The following DYNAP variants were observed in gnomAD, a reference collection of about 807,000 sequenced individuals.
The protein encoded by DYNAP is dynactin associated protein.
DYNAP carries 7 observed loss-of-function variants against 8.5 expected under a neutral mutation model. The ratio of observed to expected loss-of-function variants is 0.82; its 90% CI spans 0.47 to 1.54. The LOEUF (loss-of-function observed/expected upper bound fraction) is 1.54, where lower values mean the gene tolerates loss of function less well. DYNAP is among the 40% of genes most tolerant of loss of function. The pLI, the probability that DYNAP is intolerant of heterozygous loss-of-function variation, is 0.01. For synonymous variants in DYNAP, 77 were observed against 77.9 expected, an observed-to-expected ratio of 0.99 and a Z score of 0.06; for missense variants, 256 against 224.3, an observed-to-expected ratio of 1.14 and a Z score of -0.90.
upstream of DYNAP, among the ~76,000 whole-genome samples, chr18:54,583,476 G>A (rs554782630): frequency 1.3e-5 from 2 of 152,244 alleles, no homozygotes; most frequent in Admixed American, 6.5e-5. Context: ...TTAGCCCTTG[G>A]TGTAACAGGA....
upstream of DYNAP, among the ~76,000 whole-genome samples, chr18:54,590,317 T>C (rs1418465607): frequency 6.6e-6 from 1 of 152,216 alleles, no homozygotes; most frequent in Non-Finnish European, 1.5e-5. Flanking sequence ...TCAAGGTTCA[T>C]CTGTGTTGTA....
At position 54,595,015 on chromosome 18, in the gene DYNAP, A is replaced by G. The variant is rs770177766; in HGVS notation, c.134A>G (p.Asp45Gly). 16 of 1,612,776 alleles carry G rather than the reference A, an allele frequency of 9.9e-6. No homozygotes were observed. The East Asian group carries it at 3.6e-4, about 36-fold the overall frequency. ...CTACCTTCAAATGATATAACCAGTG[A>G]TGTCTCTCCCAACTTAACTGGGGTC... ...WCLPSNDITSDVSPNLTGVCV... is the reference protein window; with the variant it reads ...WCLPSNDITSGVSPNLTGVCV... The change falls in exon 2 of 3, where the codon GAT becomes GGT. Residue 45 changes from aspartate to glycine, a missense_variant. Coordinates refer to ENST00000648945, the MANE Select transcript of DYNAP (RefSeq NM_173629.3).
chr18:54,590,485 A>T (rs1301343090), upstream of DYNAP, among the ~76,000 whole-genome samples: 1 of 152,212 alleles, frequency 6.6e-6, no homozygotes, highest in Admixed American at 6.6e-5. Flanking sequence ...TTCAAAGATT[A>T]AACTTTAAAA....
chr18:54,576,743 C>T, the DYNAP span, among the ~76,000 whole-genome samples: 18 of 151,912 alleles, frequency 1.2e-4, no homozygotes, highest in Middle Eastern at 6.8e-3. Flanking sequence ...GTCGAGGCTG[C>T]GGTGAGACAT....
At chr18:54,591,933 A>AT (rs1206637172) in intron 1 of DYNAP, among the ~76,000 whole-genome samples, 1 of 152,158 alleles carries the variant, frequency 6.6e-6, no homozygotes, top group Non-Finnish European at 1.5e-5. Context: ...ATCTATTTAT[A>AT]TCCAACCAAA....
the DYNAP span, among the ~76,000 whole-genome samples, chr18:54,579,126 C>A: frequency 6.6e-6 from 1 of 152,088 alleles, no homozygotes. Flanking sequence ...AACTTCTCAA[C>A]TATTCTCTAA....
At chr18:54,578,631 G>A in the DYNAP span, among the ~76,000 whole-genome samples, 1 of 152,234 alleles carries the variant, frequency 6.6e-6, no homozygotes, top group African/African-American at 2.4e-5. Flanking sequence ...ATGGGTAACT[G>A]TTGTTCCATT....
chr18:54,585,748 T>A (rs1033504954), upstream of DYNAP, among the ~76,000 whole-genome samples: 1 of 152,228 alleles, frequency 6.6e-6, no homozygotes, highest in Non-Finnish European at 1.5e-5. Flanking sequence ...TCTTCAGTCC[T>A]GCCTTAGTTC....
chr18:54,590,735 G>A (rs1303363000), upstream of DYNAP, among the ~76,000 whole-genome samples: 1 of 152,002 alleles, frequency 6.6e-6, no homozygotes, highest in African/African-American at 2.4e-5. Flanking sequence ...TGACATTATT[G>A]CCTAGGAAAT....
chr18:54,577,361 A>G, the DYNAP span, among the ~76,000 whole-genome samples: 1 of 152,092 alleles, frequency 6.6e-6, no homozygotes, highest in Non-Finnish European at 1.5e-5. Flanking sequence ...CCCAGGTGAG[A>G]GGACCACTTG....
upstream of DYNAP, among the ~76,000 whole-genome samples, chr18:54,588,790 AT>A (rs748159459): frequency 5.3e-5 from 8 of 152,206 alleles, no homozygotes; most frequent in African/African-American, 1.9e-4. Flanking sequence ...TGTGAAAAAA[AT>A]ATATGAATTT....
In DYNAP at chr18:54,594,961, A is replaced by G; in HGVS notation, c.80A>G (p.Gln27Arg). The change falls in exon 2 of 3, where the codon CAA becomes CGA. Residue 27 changes from glutamine (Q) to arginine (R), a missense_variant. Physicochemically the swap from Gln to Arg is conservative, Grantham distance 43 (BLOSUM62 1). Transcript: ENST00000648945. Reference protein sequence around the residue: ...NQPPITHPNDQEAHSSICWCL... With the variant: ...NQPPITHPNDREAHSSICWCL... The stretch of plus-strand genomic sequence containing the variant: ...TAGCCAATCACACATCCAAATGACC[A>G]AGAGGCTCACAGTTCCATATGCTGG... 6.2e-7 allele frequency: 1 copy of G among 1,611,546 alleles called. No homozygotes were observed. Among genetic ancestry groups the G allele is most frequent in the Non-Finnish European group, 8.5e-7 (1 of 1,178,624 alleles).
At chr18:54,578,058 G>A in the DYNAP span, among the ~76,000 whole-genome samples, 3 of 152,158 alleles carry the variant, frequency 2.0e-5, no homozygotes, top group East Asian at 3.8e-4. Context: ...GACAGACTGA[G>A]TCAAGGCAAG....
chr18:54,589,743 T>C (rs964735038), upstream of DYNAP, among the ~76,000 whole-genome samples: 1 of 152,168 alleles, frequency 6.6e-6, no homozygotes, highest in Non-Finnish European at 1.5e-5. Flanking sequence ...GTGGCTCTAC[T>C]GCCAAATGAA....
At chr18:54,595,635 A>G (rs943350470) in intron 2 of DYNAP, among the ~76,000 whole-genome samples, 4 of 152,104 alleles carry the variant, frequency 2.6e-5, no homozygotes, top group Admixed American at 6.6e-5. Flanking sequence ...TCTCTGGAGC[A>G]TCTCCACTAG....
intron 2 of DYNAP, among the ~76,000 whole-genome samples, chr18:54,597,287 G>A (rs751538133): frequency 2.0e-5 from 3 of 152,156 alleles, no homozygotes; most frequent in Non-Finnish European, 4.4e-5. Flanking sequence ...TTAGGGTAGT[G>A]AGACTGCTCT....
chr18:54,588,365 C>A (rs1176118994), upstream of DYNAP, among the ~76,000 whole-genome samples: 2 of 151,886 alleles, frequency 1.3e-5, no homozygotes. Context: ...GTCATCATGC[C>A]CGGCTAATTT....
chr18:54,576,279 C>T, the DYNAP span, among the ~76,000 whole-genome samples: 1 of 152,146 alleles, frequency 6.6e-6, no homozygotes, highest in South Asian at 2.1e-4. Context: ...ATTGCTAGGT[C>T]ATAGGGTAGA....
upstream of DYNAP, among the ~76,000 whole-genome samples, chr18:54,586,463 TG>T (rs1910882158): frequency 6.6e-6 from 1 of 152,210 alleles, no homozygotes; most frequent in Non-Finnish European, 1.5e-5. Flanking sequence ...TTTCATGGGC[TG>T]GTCTAATTCC....
Sources: allele counts gnomAD v4.1 joint callset (sites outside exome capture counted in the v4.1 genomes callset), GRCh38; gene constraint gnomAD v4.1.1; transcripts MANE v1.5; gene names NCBI Gene and HGNC (gene_info 2026-07-23, HGNC 2026-07-21).